Variants in TANC2 observed in about 807,000 individuals in gnomAD.
TANC2 encodes protein TANC2.
TANC2 carries 26 observed loss-of-function variants against 210.5 expected under a neutral mutation model. That is an observed-to-expected ratio of 0.12 (90% confidence interval 0.09 to 0.17). The LOEUF is 0.17. Among genes scored for constraint, TANC2 ranks in the 10% least tolerant of loss-of-function variants. The pLI is 1.00. For synonymous variants in TANC2, 931 were observed against 967.1 expected, an observed-to-expected ratio of 0.96 and a Z score of 0.69; for missense variants, 2,129 against 2,608.9, an observed-to-expected ratio of 0.82 and a Z score of 4.01.
At chr17:63,318,082 C>T (rs2045370078) in intron 10 of TANC2, among the ~76,000 whole-genome samples, 1 of 152,184 alleles carries the variant, frequency 6.6e-6, no homozygotes, top group African/African-American at 2.4e-5. Flanking sequence ...AAATTTACTG[C>T]ACCAGTTAAA....
At chr17:63,320,783 G>C (rs1192812172) in intron 11 of TANC2, among the ~76,000 whole-genome samples, 1 of 151,842 alleles carries the variant, frequency 6.6e-6, no homozygotes, top group Non-Finnish European at 1.5e-5. Context: ...CATTTATTCT[G>C]TTGGTACCTA....
intron 4 of TANC2, among the ~76,000 whole-genome samples, chr17:63,121,976 G>A (rs2038498816): frequency 6.7e-6 from 1 of 149,396 alleles, no homozygotes; most frequent in Non-Finnish European, 1.5e-5. Context: ...CTTGCGGGGG[G>A]AGGGGGGAAG....
chr17:63,140,222 A>G (rs1268872172), intron 4 of TANC2, among the ~76,000 whole-genome samples: 1 of 152,214 alleles, frequency 6.6e-6, no homozygotes, highest in East Asian at 1.9e-4. Flanking sequence ...GCCGCACATT[A>G]AAATTTTCTT....
chr17:63,063,182 G>C (rs1013777233), intron 2 of TANC2, among the ~76,000 whole-genome samples: 15 of 152,216 alleles, frequency 9.9e-5, no homozygotes, highest in Non-Finnish European at 2.1e-4. Context: ...GCTTAAGGCA[G>C]GGTATTGGAT....
In TANC2 at chr17:63,063,674, T is replaced by TTGTGTGTGTGTGTGTGTGTGTG. The variant is rs371281397; in HGVS notation, c.68-10265_68-10244dup. Among the ~76,000 whole-genome samples, 1,239 of 137,456 alleles carry TTGTGTGTGTGTGTGTGTGTGTG rather than the reference T, an allele frequency of 9.0e-3. 24 individuals are homozygous for TTGTGTGTGTGTGTGTGTGTGTG. The highest frequency in any genetic ancestry group is 0.014 in the Non-Finnish European group (850 of 62,786). The allele number at this position is 137,456 out of a possible 152,430, so 90.2% of individuals were successfully genotyped here. ...CAATATCACACTTTGTTACCCAGTA[T>TTGTGTGTGTGTGTGTGTGTGTG]TGTGTGTGTGTGTGTGTGTGTGTGT... On this transcript the variant is annotated intron_variant, in intron 2 of 27. Transcript: ENST00000689528.
chr17:63,306,036 G>T (rs758244291), intron 9 of TANC2, among the ~76,000 whole-genome samples: 3 of 152,188 alleles, frequency 2.0e-5, no homozygotes, highest in Non-Finnish European at 2.9e-5. Flanking sequence ...CTTTGGACGC[G>T]CTAGAAGGGA....
At chr17:63,105,701 A>G (rs1404939762) in intron 4 of TANC2, among the ~76,000 whole-genome samples, 1 of 151,702 alleles carries the variant, frequency 6.6e-6, no homozygotes, top group Non-Finnish European at 1.5e-5. Flanking sequence ...GTCTTGTTTT[A>G]TAAACATCCT....
At chr17:63,110,928 C>T (rs1451143667) in intron 4 of TANC2, among the ~76,000 whole-genome samples, 1 of 152,124 alleles carries the variant, frequency 6.6e-6, no homozygotes, top group Non-Finnish European at 1.5e-5. Context: ...ACTGTATGAC[C>T]TTGGCCGTGT....
chr17:63,226,612 T>A (rs567146248), intron 7 of TANC2, among the ~76,000 whole-genome samples: 23 of 152,340 alleles, frequency 1.5e-4, no homozygotes, highest in South Asian at 4.1e-4. Flanking sequence ...TTTAATTTTT[T>A]AAAAATTTCC....
intron 11 of TANC2, among the ~76,000 whole-genome samples, chr17:63,331,247 T>C (rs2045829697): frequency 6.6e-6 from 1 of 152,252 alleles, no homozygotes; most frequent in East Asian, 1.9e-4. Context: ...TGCAACTTTT[T>C]GATATATAAA....
At chr17:63,176,822 A>C (rs1035113078) in intron 5 of TANC2, among the ~76,000 whole-genome samples, 35 of 151,528 alleles carry the variant, frequency 2.3e-4, no homozygotes, top group African/African-American at 8.3e-4. Flanking sequence ...AAAAAAAAAA[A>C]AAACAGGAAA....
chr17:63,135,473 A>G (rs948721343), intron 4 of TANC2, among the ~76,000 whole-genome samples: 17 of 152,284 alleles, frequency 1.1e-4, no homozygotes, highest in Admixed American at 3.9e-4. Flanking sequence ...TAGGTTCTCA[A>G]TATTCCTTTC....
At chr17:62,993,759 T>C (rs1339090889) in intron 1 of TANC2, among the ~76,000 whole-genome samples, 1 of 152,032 alleles carries the variant, frequency 6.6e-6, no homozygotes, top group East Asian at 1.9e-4. Flanking sequence ...AGACCCCGTC[T>C]CTGCAAAAGA....
chr17:63,118,552 C>T (rs1053574568), intron 4 of TANC2, among the ~76,000 whole-genome samples: 1 of 151,974 alleles, frequency 6.6e-6, no homozygotes, highest in African/African-American at 2.4e-5. Context: ...TCAGCCACTT[C>T]AAAAAAGAAA....
intron 2 of TANC2, 50 bp downstream of exon 2, chr17:63,009,676 T>C: frequency 6.6e-7 from 1 of 1,514,018 alleles, no homozygotes; most frequent in South Asian, 1.1e-5. Context: ...CAAATACAAG[T>C]TCTTTTAGGG....
chr17:63,067,237 T>C (rs2036233691), intron 2 of TANC2, among the ~76,000 whole-genome samples: 1 of 151,956 alleles, frequency 6.6e-6, no homozygotes, highest in Non-Finnish European at 1.5e-5. Flanking sequence ...ACTAGGAAAA[T>C]AGCAATTTGC....
chr17:63,005,945 T>A lies in TANC2; in HGVS notation c.-23-3592T>A, dbSNP rs940643865. On this transcript the variant is annotated intron_variant, in intron 1 of 27. Transcript: ENST00000689528. Reference sequence around the variant, plus strand: ...GTGTGTGTGTGTGTGTGTGTGTGTGTGAAGAGTTTTGATCAATTTCTTTAA... The same window carrying A: ...GTGTGTGTGTGTGTGTGTGTGTGTGAGAAGAGTTTTGATCAATTTCTTTAA... Among the ~76,000 whole-genome samples, 829 of 139,534 alleles carry A rather than the reference T, an allele frequency of 5.9e-3. 3 individuals are homozygous for A. Among genetic ancestry groups the A allele is most frequent in the African/African-American group, 6.9e-3 (257 of 37,194 alleles). The allele number at this position is 139,534 out of a possible 152,430, so 91.5% of individuals were successfully genotyped here.
chr17:63,059,421 C>T (rs893188250), intron 2 of TANC2, among the ~76,000 whole-genome samples: 1 of 152,136 alleles, frequency 6.6e-6, no homozygotes, highest in Non-Finnish European at 1.5e-5. Context: ...CTTGTTTTTA[C>T]TCTCTTTTGA....
Position 63,109,456 on chromosome 17 carries a change from A to G in TANC2, c.322+10099A>G, listed in dbSNP as rs1278101712. Among the ~76,000 whole-genome samples, 6 of 151,808 alleles carry G rather than the reference A, an allele frequency of 4.0e-5. No individual in the cohort carries two copies. In the East Asian group the frequency reaches 1.2e-3, roughly 29 times the overall value. On this transcript the variant is annotated intron_variant, in intron 4 of 27. Transcript: ENST00000689528. Reference sequence around the variant, plus strand: ...CACAAAAAAACCTTGAATGAGATGGAAGAAAACTGCTGTAAATTTGACTCA... The same window carrying G: ...CACAAAAAAACCTTGAATGAGATGGGAGAAAACTGCTGTAAATTTGACTCA...
Sources: allele counts gnomAD v4.1 joint callset (sites outside exome capture counted in the v4.1 genomes callset), GRCh38; gene constraint gnomAD v4.1.1; transcripts MANE v1.5; gene names NCBI Gene and HGNC (gene_info 2026-07-23, HGNC 2026-07-21).